The following C2 variants were observed in gnomAD, a reference collection of about 807,000 sequenced individuals.
C2 encodes complement C2.
In C2, 64 loss-of-function variants were observed where a neutral mutation model predicts 85.2. The ratio of observed to expected loss-of-function variants is 0.75; its 90% CI spans 0.61 to 0.92. The LOEUF is 0.92. Ranked by LOEUF, C2 falls within the 40% of genes least tolerant of loss-of-function variation. The probability of loss-of-function intolerance (pLI) is 0.00; values close to 1 mark genes in which losing one functional copy is unlikely to be tolerated. For missense variants in C2, 820 were observed against 971.6 expected (o/e 0.84, Z 2.07); for synonymous variants, 311 against 370.8 (o/e 0.84, Z 1.85).
intron 1 of C2, among the ~76,000 whole-genome samples, chr6:31,908,236 C>T (rs1056858445): frequency 1.3e-5 from 2 of 151,120 alleles, no homozygotes; most frequent in Admixed American, 1.3e-4. Flanking sequence ...TCAAGTGATA[C>T]TCCTGCCTTG....
chr6:31,904,044 T>C lies in C2; in HGVS notation c.73+2905T>C, dbSNP rs564729464. Among the ~76,000 whole-genome samples the C allele has an allele frequency of 6.6e-6, 1 of 151,848 alleles. No homozygotes were observed. The highest frequency in any genetic ancestry group is 2.4e-5 in the African/African-American group (1 of 41,240). On this transcript the variant is annotated intron_variant, in intron 1 of 3. Coordinates refer to the C2 transcript ENST00000452202. This position sits in a 1 kb window ranked among gnomAD's most constrained non-coding sequence, Gnocchi z 4.4. ...TTCGCAAATCATTAAAAAAATAAAA[T>C]AAAAGCCCTATTCCTGTACCAAATG...
chr6:31,934,226 T>G lies in C2; in HGVS notation c.776T>G (p.Leu259Arg), dbSNP rs750188809. The G allele has an allele frequency of 1.2e-6, 2 of 1,614,224 alleles. No homozygotes were observed. The highest frequency in any genetic ancestry group is 8.5e-7 in the Non-Finnish European group (1 of 1,180,044). ...RSGHLNLYLL[L>R]DCSQSVSEND... ...GGTCATCTGAACCTCTACCTGCTCC[T>G]GGACTGTTCGCAGAGTGTGTCGGAA... Residue 259 changes from leucine to arginine, a missense_variant, in exon 6 of 18, where the codon CTG becomes CGG. By Grantham distance (102) the Leu-to-Arg change is moderately radical. Coordinates refer to ENST00000299367, the MANE Select transcript of C2 (RefSeq NM_000063.6).
At chr6:31,913,633 C>T (rs1047388333) in intron 1 of C2, among the ~76,000 whole-genome samples, 2 of 152,002 alleles carry the variant, frequency 1.3e-5, no homozygotes, top group Non-Finnish European at 2.9e-5. Flanking sequence ...ACTCAGCTGA[C>T]GTTAAGTAAA....
At position 31,943,262 on chromosome 6, in the gene C2, G is replaced by A. The variant is rs1463196664; in HGVS notation, c.1398G>A (p.Gly466=). 28 of 1,612,918 alleles carry A rather than the reference G, an allele frequency of 1.7e-5. No homozygotes were observed. The highest frequency in any genetic ancestry group is 2.3e-5 in the Non-Finnish European group (27 of 1,180,028). ...SKLTDTICGV[G]NMSANASDQE... is the part of the protein sequence containing the mutation. ...TCACAGACACCATCTGCGGGGTGGG[G>A]AACATGTCAGCAAACGCCTCTGACC... The change falls in exon 11 of 18, where the codon GGG becomes GGA. Residue 466 remains glycine, a synonymous_variant. Coordinates refer to ENST00000299367, the MANE Select transcript of C2 (RefSeq NM_000063.6). This position sits in a 1 kb window ranked among gnomAD's most constrained non-coding sequence, Gnocchi z 6.4.
chr6:31,928,790 G>A lies in C2; in HGVS notation c.315G>A (p.Gly105=). ...FENGIYTPRL[G]SYPVGGNVSF... is the part of the protein sequence containing the mutation. ...ATGGCATTTATACCCCACGGCTGGG[G>A]TCCTATCCCGTGGGTGGCAATGTGA... The change falls in exon 3 of 18, where the codon GGG becomes GGA. Residue 105 remains glycine, a synonymous_variant. Coordinates refer to ENST00000299367, the MANE Select transcript of C2 (RefSeq NM_000063.6). 6.2e-7 allele frequency: 1 copy of A among 1,614,238 alleles called. No homozygotes were observed. The highest frequency in any genetic ancestry group is 1.1e-5 in the South Asian group (1 of 91,084).
At position 31,943,310 on chromosome 6, in the gene C2, C is replaced by A; in HGVS notation, c.1446C>A (p.Val482=). 6.2e-7 allele frequency: 1 copy of A among 1,612,766 alleles called. No homozygotes were observed. The highest frequency in any genetic ancestry group is 8.5e-7 in the Non-Finnish European group (1 of 1,179,760). The change falls in exon 11 of 18, where the codon GTC becomes GTA. Residue 482 remains valine (V), a synonymous_variant. Coordinates refer to ENST00000299367, the MANE Select transcript of C2 (RefSeq NM_000063.6). The surrounding 1 kb of genome is among the most constrained non-coding windows in gnomAD (Gnocchi z 6.4). Reference sequence around the variant, plus strand: ...ACCAGGAGAGGACACCCTGGCATGTCACTATTAAGGTACCAGGAAGGAGGG... The same window carrying A: ...ACCAGGAGAGGACACCCTGGCATGTAACTATTAAGGTACCAGGAAGGAGGG... ...ASDQERTPWH[V]TIKPKSQETC... is the part of the protein sequence containing the mutation.
intron 1 of C2, among the ~76,000 whole-genome samples, chr6:31,913,417 A>T (rs1329596174): frequency 1.3e-5 from 2 of 152,150 alleles, no homozygotes; most frequent in Admixed American, 6.5e-5. Context: ...CTCTACTAAA[A>T]ATACAAAAAT....
In C2 at chr6:31,937,404, C is replaced by A; in HGVS notation, c.1074C>A (p.Gly358=). 2.5e-6 allele frequency: 4 copies of A among 1,612,734 alleles called. No homozygotes were observed. The highest frequency in any genetic ancestry group is 2.5e-6 in the Non-Finnish European group (3 of 1,179,964). Residue 358 remains glycine, a synonymous_variant, in exon 8 of 18, where the codon GGC becomes GGA. Transcript: ENST00000299367. ...TGAACAACCAAATGCGACTCCTCGG[C>A]ATGGAAACGATGGCCTGGCAGGAAA... The part of the protein sequence containing the change: ...LMMNNQMRLL[G]METMAWQEIR...
Position 31,933,701 on chromosome 6 carries a change from C to T in C2, c.534C>T (p.Ser178=). The change falls in exon 4 of 18, where the codon TCC becomes TCT. Residue 178 remains serine (S), a synonymous_variant. Coordinates refer to ENST00000299367, the MANE Select transcript of C2 (RefSeq NM_000063.6). ...GGGACAAGGTCCGCTATCGCTGCTC[C>T]TCGAATCTTGTGCTCACGGGGTCTT... ...GHGDKVRYRC[S]SNLVLTGSSE... 2.5e-6 allele frequency: 4 copies of T among 1,613,266 alleles called. No homozygotes were observed. The highest frequency in any genetic ancestry group is 1.1e-5 in the South Asian group (1 of 91,090).
At chr6:31,907,446 G>A (rs1259499920) in intron 1 of C2, among the ~76,000 whole-genome samples, 1 of 151,390 alleles carries the variant, frequency 6.6e-6, no homozygotes, top group East Asian at 1.9e-4. Flanking sequence ...AGCTGTGGGA[G>A]GTGGTGTTGC....
Position 31,945,118 on chromosome 6 carries a change from GGTTGGGGCTTACA to G in C2, c.2080-50_2080-38del, listed in dbSNP as rs977410422. ...GGGAGGCCTTTGAGGGATCTAGGGA[GGTTGGGGCTTACA>G]GTTGGGGCTGTGGCAGCCTCCCAGC... is the stretch of plus-strand genomic sequence containing the variant. On this transcript the variant is annotated intron_variant, in intron 17 of 17. Transcript: ENST00000299367. The surrounding 1 kb of genome is among the most constrained non-coding windows in gnomAD (Gnocchi z 5.3). 3 of 1,609,614 alleles carry G rather than the reference GGTTGGGGCTTACA, an allele frequency of 1.9e-6. No homozygotes were observed. Among genetic ancestry groups the G allele is most frequent in the Non-Finnish European group, 2.5e-6 (3 of 1,177,120 alleles).
In C2 at chr6:31,904,044, T is replaced by G. The variant is rs564729464; in HGVS notation, c.73+2905T>G. The stretch of plus-strand genomic sequence containing the variant: ...TTCGCAAATCATTAAAAAAATAAAA[T>G]AAAAGCCCTATTCCTGTACCAAATG... On this transcript the variant is annotated intron_variant, in intron 1 of 3. Coordinates refer to the C2 transcript ENST00000452202. The surrounding 1 kb of genome is among the most constrained non-coding windows in gnomAD (Gnocchi z 4.4). 6.6e-6 allele frequency among the ~76,000 whole-genome samples: 1 copy of G among 151,848 alleles called. No individual in the cohort carries two copies. Among genetic ancestry groups the G allele is most frequent in the Admixed American group, 6.6e-5 (1 of 15,232 alleles).
chr6:31,901,896 C>T (rs2844455), intron 1 of C2: 24,354 of 143,786 alleles, frequency 0.17, 2,536 homozygotes, highest in East Asian at 0.28. Flanking sequence ...CCCCCCGGGG[C>T]CGGCAGCGAC....
chr6:31,927,454 A>G, upstream of C2: 1 of 1,389,338 alleles, frequency 7.2e-7, no homozygotes, highest in Non-Finnish European at 9.4e-7. This position sits in a 1 kb window ranked among gnomAD's most constrained non-coding sequence, Gnocchi z 4.7. Flanking sequence ...TGTATGGTGC[A>G]CATGTGCACG....
chr6:31,927,831 C>T lies in C2; in HGVS notation c.46+33C>T, dbSNP rs1163567266. 1 of 1,609,092 alleles carries T rather than the reference C, an allele frequency of 6.2e-7. No individual in the cohort carries two copies. Among genetic ancestry groups the T allele is most frequent in the Non-Finnish European group, 8.5e-7 (1 of 1,175,422 alleles). On this transcript the variant is annotated intron_variant, in intron 1 of 17. Transcript: ENST00000299367. This position sits in a 1 kb window ranked among gnomAD's most constrained non-coding sequence, Gnocchi z 4.7. ...GCAGGGAAGGGGGAACGTCAGGGTC[C>T]TGTGTGTGAGGTTGGTGCTCCCAGC...
chr6:31,935,989 A>G lies in C2; in HGVS notation c.916A>G (p.Met306Val). The change falls in exon 7 of 18, where the codon ATG becomes GTG. Residue 306 changes from methionine (M) to valine (V), a missense_variant. Physicochemically the swap from Met to Val is conservative, Grantham distance 21. Transcript: ENST00000299367. This position sits in a 1 kb window ranked among gnomAD's most constrained non-coding sequence, Gnocchi z 4.3. ...ITFASEPKVLMSVLNDNSRDM... is the reference protein window; with the variant it reads ...ITFASEPKVLVSVLNDNSRDM... Reference sequence around the variant, plus strand: ...CTTTGCCTCAGAGCCCAAAGTCCTCATGTCTGTCCTGAACGACAACTCCCG... The same window carrying G: ...CTTTGCCTCAGAGCCCAAAGTCCTCGTGTCTGTCCTGAACGACAACTCCCG... 6.2e-7 allele frequency: 1 copy of G among 1,612,928 alleles called. No individual in the cohort carries two copies. Among genetic ancestry groups the G allele is most frequent in the South Asian group, 1.1e-5 (1 of 91,074 alleles).
At chr6:31,938,402 T>A (rs1770592127) in intron 8 of C2, among the ~76,000 whole-genome samples, 1 of 151,486 alleles carries the variant, frequency 6.6e-6, no homozygotes, top group Non-Finnish European at 1.5e-5. Flanking sequence ...GCACCTGGCC[T>A]GGTGCCTGGA....
intron 3 of C2, among the ~76,000 whole-genome samples, chr6:31,929,717 C>CAAAAA (rs9279455): frequency 2.4e-5 from 1 of 42,516 alleles, no homozygotes; most frequent in Non-Finnish European, 4.0e-5. Flanking sequence ...GACTCTGTCT[C>CAAAAA]AAAAAAAAAA....
rs1251533100 is a variant in C2, at chr6:31,943,587, C to A, written c.1568-57C>A. 4 of 1,608,906 alleles carry A rather than the reference C, an allele frequency of 2.5e-6. No individual in the cohort carries two copies. Among genetic ancestry groups the A allele is most frequent in the Non-Finnish European group, 2.6e-6 (3 of 1,176,390 alleles). ...AAGCCACAGATCCTACCACCTCACC[C>A]AGCCTCTGGCCCCTGCAGGAGCCCT... On this transcript the variant is annotated intron_variant, in intron 12 of 17. Coordinates refer to ENST00000299367, the MANE Select transcript of C2 (RefSeq NM_000063.6). The surrounding 1 kb of genome is among the most constrained non-coding windows in gnomAD (Gnocchi z 6.4).
Sources: allele counts gnomAD v4.1 joint callset (sites outside exome capture counted in the v4.1 genomes callset), GRCh38; gene constraint gnomAD v4.1.1; non-coding constraint Gnocchi (gnomAD v3.1); transcripts MANE v1.5; gene names NCBI Gene and HGNC (gene_info 2026-07-23, HGNC 2026-07-21).